The following MGAT5 variants were observed in gnomAD, a reference collection of about 807,000 sequenced individuals.
The protein encoded by MGAT5 is alpha-1,6-mannosylglycoprotein 6-beta-N-acetylglucosaminyltransferase A.
A neutral mutation model predicts 94.3 loss-of-function variants in MGAT5; 30 were observed. The ratio of observed to expected loss-of-function variants is 0.32; its 90% CI spans 0.24 to 0.43. MGAT5 has a LOEUF of 0.43. MGAT5 is among the 20% of genes least tolerant of loss of function. The probability of loss-of-function intolerance (pLI) is 1.00; values close to 1 mark genes in which losing one functional copy is unlikely to be tolerated. For missense variants in MGAT5, 691 were observed against 905.5 expected, an observed-to-expected ratio of 0.76 and a Z score of 3.04; for synonymous variants, 310 against 322.9, an observed-to-expected ratio of 0.96 and a Z score of 0.43.
intron 12 of MGAT5, among the ~76,000 whole-genome samples, chr2:134,419,997 G>C (rs1469353595): frequency 6.6e-6 from 1 of 152,180 alleles, no homozygotes. Context: ...CCTGAATTTA[G>C]GTTGGCAAGT....
rs190875793 is a variant in MGAT5, at chr2:134,374,990, G to A, written c.1380+12582G>A. Among the ~76,000 whole-genome samples the A allele has an allele frequency of 3.3e-4, 50 of 152,284 alleles. 1 individual carries two copies. The East Asian group carries it at 7.7e-3, about 24-fold the overall frequency. ...AAATCGAGACTCTTGCTCTAGTCTC[G>A]AGGGACAGCAGAGCTCCAGGGAACG... On this transcript the variant is annotated intron_variant, in intron 10 of 15. Coordinates refer to ENST00000281923, the MANE Select transcript of MGAT5 (RefSeq NM_002410.5).
At chr2:134,427,664 C>G (rs1214621229) in intron 13 of MGAT5, among the ~76,000 whole-genome samples, 4 of 152,218 alleles carry the variant, frequency 2.6e-5, no homozygotes, top group African/African-American at 9.6e-5. Flanking sequence ...TCTTCAGCAT[C>G]TTGGCCCTCT....
rs1468949891 is a variant in MGAT5 at position 134,452,870 on chromosome 2, G to C, written c.*4023G>C. 2 of 152,234 alleles carry C rather than the reference G, an allele frequency of 1.3e-5. No individual in the cohort carries two copies. The highest frequency in any genetic ancestry group is 3.8e-4 in the East Asian group (2 of 5,206). The allele number at this position is 152,234 out of a possible 1,614,324, so 9.4% of individuals were successfully genotyped here. A position where few individuals can be genotyped will look rare whatever the true frequency, so the allele number is the denominator to read the frequency against. ...GACGGATGGACATAAATAGATTCATGCTCATTTAGGAAGCTGGGAGTTTCG... is the reference window on the plus strand; with the variant it reads ...GACGGATGGACATAAATAGATTCATCCTCATTTAGGAAGCTGGGAGTTTCG... On this transcript the variant is annotated 3_prime_UTR_variant, in exon 16 of 16. Coordinates refer to ENST00000281923, the MANE Select transcript of MGAT5 (RefSeq NM_002410.5).
chr2:134,252,904 G>C (rs980129428), upstream of MGAT5, among the ~76,000 whole-genome samples: 1 of 152,106 alleles, frequency 6.6e-6, no homozygotes, highest in African/African-American at 2.4e-5. Context: ...CACATAGCTG[G>C]CTGACCTTTG....
At chr2:134,227,803 A>G (rs985653859) in intron 1 of MGAT5, among the ~76,000 whole-genome samples, 1 of 152,134 alleles carries the variant, frequency 6.6e-6, no homozygotes, top group African/African-American at 2.4e-5. Flanking sequence ...CAGACCGTTC[A>G]TGAGCTTTGG....
At chr2:134,265,749 A>G (rs1441627224) in intron 1 of MGAT5, among the ~76,000 whole-genome samples, 1 of 152,250 alleles carries the variant, frequency 6.6e-6, no homozygotes, top group Non-Finnish European at 1.5e-5. Context: ...TTTTATGGCT[A>G]TAATAACTAT....
chr2:134,299,288 A>G (rs114265826), intron 2 of MGAT5, among the ~76,000 whole-genome samples: 1 of 152,172 alleles, frequency 6.6e-6, no homozygotes. Flanking sequence ...CAATTAGAGG[A>G]TGGTCAAAGC....
chr2:134,405,774 A>G (rs1265440060), intron 11 of MGAT5, among the ~76,000 whole-genome samples: 1 of 152,206 alleles, frequency 6.6e-6, no homozygotes, highest in Non-Finnish European at 1.5e-5. Context: ...TTTTCTTTAC[A>G]AGCCATCTTT....
chr2:134,394,215 T>C (rs1471393635), intron 10 of MGAT5, among the ~76,000 whole-genome samples: 1 of 152,218 alleles, frequency 6.6e-6, no homozygotes, highest in Non-Finnish European at 1.5e-5. Flanking sequence ...GGTTGTAAGA[T>C]AATTACAAGT....
intron 2 of MGAT5, among the ~76,000 whole-genome samples, chr2:134,299,138 ATC>A (rs1370005905): frequency 3.3e-5 from 5 of 152,118 alleles, no homozygotes; most frequent in African/African-American, 1.2e-4. Flanking sequence ...AGTCCACAAA[ATC>A]TCTGTCAATT....
intron 2 of MGAT5, among the ~76,000 whole-genome samples, chr2:134,309,509 G>T (rs1404179663): frequency 6.6e-6 from 1 of 152,160 alleles, no homozygotes; most frequent in Non-Finnish European, 1.5e-5. Flanking sequence ...TATTTTAGTT[G>T]ATGTGAAGTC....
chr2:134,256,833 G>C lies in MGAT5; in HGVS notation c.241+2189G>C, dbSNP rs368576163. Among the ~76,000 whole-genome samples the C allele has an allele frequency of 7.2e-4, 110 of 152,308 alleles. 1 individual carries two copies. The highest frequency in any genetic ancestry group is 4.7e-4 in the Non-Finnish European group (32 of 68,036). On this transcript the variant is annotated intron_variant, in intron 1 of 15. Transcript: ENST00000281923. ...ACAGGTCACATCAGCAACTCTAACT[G>C]ACACTGCTAGTTTTCTCTTTCATCG...
At chr2:134,326,976 G>A (rs1687682162) in intron 4 of MGAT5, among the ~76,000 whole-genome samples, 1 of 152,052 alleles carries the variant, frequency 6.6e-6, no homozygotes, top group African/African-American at 2.4e-5. Context: ...ACAAGTACAA[G>A]CAAAGTCATC....
At chr2:134,399,654 G>T (rs1682923434) in intron 10 of MGAT5, among the ~76,000 whole-genome samples, 1 of 152,198 alleles carries the variant, frequency 6.6e-6, no homozygotes, top group Non-Finnish European at 1.5e-5. Flanking sequence ...CATCTCCAGA[G>T]ATCTGTTGGT....
At chr2:134,172,655 G>A (rs1688273883) in intron 1 of MGAT5, among the ~76,000 whole-genome samples, 1 of 152,166 alleles carries the variant, frequency 6.6e-6, no homozygotes, top group African/African-American at 2.4e-5. Context: ...CAAAGTGCTG[G>A]GATTACAGGT....
In MGAT5 at chr2:134,334,608, T is replaced by C. The variant is rs1464460565; in HGVS notation, c.574-1609T>C. On this transcript the variant is annotated intron_variant, in intron 4 of 15. Coordinates refer to ENST00000281923, the MANE Select transcript of MGAT5 (RefSeq NM_002410.5). ...AAGTCTTCATGTTATAAATATGCTT[T>C]ATTGAGTCCATTAGCACAAATCTAA... Among the ~76,000 whole-genome samples, 4 of 150,102 alleles carry C rather than the reference T, an allele frequency of 2.7e-5. No homozygotes were observed. The South Asian group carries it at 8.5e-4, about 32-fold the overall frequency.
chr2:134,453,942 T>C lies in MGAT5; in HGVS notation c.*5095T>C, dbSNP rs549138059. On this transcript the variant is annotated 3_prime_UTR_variant, in exon 16 of 16. Transcript: ENST00000281923. ...CTGTCTTGGCACAACTCTGGATAGATTGCAGGTGTGGAATTTGCTGGAGTT... is the reference window on the plus strand; with the variant it reads ...CTGTCTTGGCACAACTCTGGATAGACTGCAGGTGTGGAATTTGCTGGAGTT... 3 of 152,220 alleles carry C rather than the reference T, an allele frequency of 2.0e-5. No homozygotes were observed. Among genetic ancestry groups the C allele is most frequent in the South Asian group, 4.1e-4 (2 of 4,834 alleles). The allele number at this position is 152,220 out of a possible 1,614,324, so 9.4% of individuals were successfully genotyped here. A position where few individuals can be genotyped will look rare whatever the true frequency, so the allele number is the denominator to read the frequency against.
intron 1 of MGAT5, among the ~76,000 whole-genome samples, chr2:134,239,736 G>A (rs1247548400): frequency 1.3e-5 from 2 of 151,864 alleles, no homozygotes; most frequent in East Asian, 3.9e-4. Context: ...CCGGTATTCT[G>A]CCTACCATAG....
chr2:134,318,168 G>A (rs183329436), intron 3 of MGAT5, among the ~76,000 whole-genome samples: 2 of 152,286 alleles, frequency 1.3e-5, no homozygotes, highest in South Asian at 2.1e-4. Context: ...ATTCAGGGAT[G>A]TAGTTAGGAC....
Sources: allele counts gnomAD v4.1 joint callset (sites outside exome capture counted in the v4.1 genomes callset), GRCh38; gene constraint gnomAD v4.1.1; transcripts MANE v1.5; gene names NCBI Gene and HGNC (gene_info 2026-07-23, HGNC 2026-07-21).